Variants in SLC37A3 observed in about 807,000 individuals in gnomAD.
SLC37A3 encodes sugar phosphate exchanger 3.
Under a neutral mutation model 67.1 loss-of-function variants are expected in SLC37A3, and 51 were observed. The ratio of observed to expected loss-of-function variants is 0.76; its 90% CI spans 0.61 to 0.96. The LOEUF is 0.96. SLC37A3 is among the 40% of genes least tolerant of loss of function. The pLI, the probability that SLC37A3 is intolerant of heterozygous loss-of-function variation, is 0.00. For synonymous variants in SLC37A3, 214 were observed against 231.4 expected (o/e 0.92, Z 0.68); for missense variants, 508 against 603.0 (o/e 0.84, Z 1.65).
At position 140,369,689 on chromosome 7, in the gene SLC37A3, T is replaced by G; in HGVS notation, c.199-7A>C. The stretch of plus-strand genomic sequence containing the variant: ...AATGGTTGCTGCTCCAGATCTACAG[T>G]AAGACAGCAGGAACAGGTCAGTCCC... On this transcript the variant is annotated splice_region_variant and splice_polypyrimidine_tract_variant and intron_variant, in intron 3 of 14. Coordinates refer to ENST00000326232, the MANE Select transcript of SLC37A3 (RefSeq NM_207113.3). The G allele has an allele frequency of 6.2e-7, 1 of 1,612,484 alleles. No individual in the cohort carries two copies. The highest frequency in any genetic ancestry group is 1.1e-5 in the South Asian group (1 of 91,012).
At chr7:140,377,968 G>C (rs1332622256) in intron 3 of SLC37A3, among the ~76,000 whole-genome samples, 1 of 152,176 alleles carries the variant, frequency 6.6e-6, no homozygotes, top group African/African-American at 2.4e-5. Context: ...TCCCTTTGCT[G>C]AGTTTACCTT....
chr7:140,346,897 A>T (rs527456870), intron 10 of SLC37A3, among the ~76,000 whole-genome samples: 7 of 151,980 alleles, frequency 4.6e-5, no homozygotes, highest in Admixed American at 3.9e-4. Context: ...GTATTGTGCC[A>T]CTGCACTCTA....
chr7:140,371,082 A>G (rs1485074399), intron 3 of SLC37A3, among the ~76,000 whole-genome samples: 1 of 152,216 alleles, frequency 6.6e-6, no homozygotes, highest in Non-Finnish European at 1.5e-5. Flanking sequence ...ATTGCAGCCC[A>G]ACTACAACCC....
At chr7:140,361,498 C>CCCTCTCCCTCT (rs1563027180) in intron 5 of SLC37A3, among the ~76,000 whole-genome samples, 772 of 71,114 alleles carry the variant, frequency 0.011, 109 homozygotes, top group East Asian at 0.015. Flanking sequence ...CCTCTCCCTC[C>CCCTCTCCCTCT]CCCTCCCCCT....
At chr7:140,355,805 A>G (rs1327397966) in intron 6 of SLC37A3, 41 bp from the exon 7 acceptor site, 1 of 1,551,808 alleles carries the variant, frequency 6.4e-7, no homozygotes, top group African/African-American at 1.4e-5. Flanking sequence ...CCATGGTCAG[A>G]AGAGATACTC....
chr7:140,377,671 T>A (rs1301590996), intron 3 of SLC37A3, among the ~76,000 whole-genome samples: 1 of 152,198 alleles, frequency 6.6e-6, no homozygotes, highest in Non-Finnish European at 1.5e-5. Flanking sequence ...CTTTTTAGGA[T>A]GCTATTTAGA....
At chr7:140,363,689 A>AT (rs1446434598) in intron 5 of SLC37A3, among the ~76,000 whole-genome samples, 10 of 92,050 alleles carry the variant, frequency 1.1e-4, no homozygotes, top group South Asian at 4.1e-4. Flanking sequence ...AGAATGATCA[A>AT]TAAAAAAAAA....
intron 12 of SLC37A3, among the ~76,000 whole-genome samples, chr7:140,345,009 C>T (rs1796497002): frequency 6.6e-6 from 1 of 152,072 alleles, no homozygotes; most frequent in Admixed American, 6.6e-5. Context: ...TCAATAGGGA[C>T]CGCTTCTGTC....
At chr7:140,393,857 G>A (rs1798814121) in intron 1 of SLC37A3, among the ~76,000 whole-genome samples, 1 of 152,148 alleles carries the variant, frequency 6.6e-6, no homozygotes, top group Non-Finnish European at 1.5e-5. Context: ...GGACCCAGCA[G>A]AGCACTGAGA....
At chr7:140,378,307 C>A (rs1279337786) in intron 3 of SLC37A3, among the ~76,000 whole-genome samples, 1 of 152,206 alleles carries the variant, frequency 6.6e-6, no homozygotes, top group South Asian at 2.1e-4. Flanking sequence ...GCATCCACCT[C>A]ACACAACAGT....
Position 140,334,386 on chromosome 7 carries a change from T to C in SLC37A3, c.*1026A>G, listed in dbSNP as rs1313927257. 6.6e-6 allele frequency: 1 copy of C among 152,376 alleles called. No individual in the cohort carries two copies. Among genetic ancestry groups the C allele is most frequent in the African/African-American group, 2.4e-5 (1 of 41,462 alleles). 9.4% of individuals were successfully genotyped at this position (152,376 alleles called of 1,614,324 possible). Reference sequence around the variant, plus strand: ...GACTTCCAATGGGTTTACTGGGACATAACCCCATCATAAGTCAAAGAGCAT... The same window carrying C: ...GACTTCCAATGGGTTTACTGGGACACAACCCCATCATAAGTCAAAGAGCAT... On this transcript the variant is annotated 3_prime_UTR_variant, in exon 15 of 15. Transcript: ENST00000326232.
intron 1 of SLC37A3, among the ~76,000 whole-genome samples, chr7:140,386,022 A>G (rs1798435270): frequency 6.6e-6 from 1 of 152,114 alleles, no homozygotes; most frequent in South Asian, 2.1e-4. Context: ...ACCTCAGATG[A>G]TCCACCCACC....
intron 1 of SLC37A3, among the ~76,000 whole-genome samples, chr7:140,392,887 T>C (rs1201342823): frequency 6.6e-6 from 1 of 151,876 alleles, no homozygotes; most frequent in Non-Finnish European, 1.5e-5. Flanking sequence ...AGGTCAGGAG[T>C]TTGAGACCAG....
intron 13 of SLC37A3, among the ~76,000 whole-genome samples, chr7:140,338,445 T>C (rs999842243): frequency 2.0e-5 from 3 of 152,168 alleles, no homozygotes; most frequent in Non-Finnish European, 4.4e-5. Context: ...CTTAGCATAA[T>C]GCTTTCAAGG....
intron 13 of SLC37A3, among the ~76,000 whole-genome samples, chr7:140,342,961 T>A (rs778490695): frequency 7.2e-5 from 11 of 152,092 alleles, no homozygotes; most frequent in Non-Finnish European, 1.6e-4. Context: ...AGCTGCAGAG[T>A]CCATGGCCAT....
chr7:140,393,663 C>T (rs56770648), intron 1 of SLC37A3, among the ~76,000 whole-genome samples: 75 of 152,302 alleles, frequency 4.9e-4, no homozygotes, highest in African/African-American at 1.7e-3. Flanking sequence ...AGAGTGAGCT[C>T]CCTGATAACC....
chr7:140,345,299 GA>G, intron 11 of SLC37A3, 36 bp from the exon 12 acceptor site: 1 of 1,592,718 alleles, frequency 6.3e-7, no homozygotes, highest in South Asian at 1.1e-5. Flanking sequence ...ATGGTGGCTT[GA>G]AAAGCAGACT....
chr7:140,375,978 C>A (rs1426432138), intron 3 of SLC37A3, among the ~76,000 whole-genome samples: 2 of 152,216 alleles, frequency 1.3e-5, no homozygotes, highest in Non-Finnish European at 2.9e-5. Context: ...CCAGACTCAT[C>A]AGGACCCATG....
chr7:140,386,186 C>T (rs1020327152), intron 1 of SLC37A3, among the ~76,000 whole-genome samples: 15 of 152,130 alleles, frequency 9.9e-5, no homozygotes, highest in Admixed American at 7.2e-4. Flanking sequence ...ACCTCTCAGG[C>T]TCAAGCAATT....
Sources: gnomAD v4.1 joint callset for allele counts (sites outside exome capture counted in the v4.1 genomes callset) on GRCh38, gnomAD v4.1.1 for gene constraint, MANE v1.5 for transcripts, NCBI Gene and HGNC (gene_info 2026-07-23, HGNC 2026-07-21) for gene names.